The following GRIA2 variants were observed in gnomAD, a reference collection of about 807,000 sequenced individuals.
GRIA2 encodes the protein glutamate ionotropic receptor AMPA type subunit 2.
A neutral mutation model predicts 97.3 loss-of-function variants in GRIA2; 14 were observed. The observed-to-expected ratio is 0.14, with a 90% CI of 0.10 to 0.23. GRIA2 has a LOEUF of 0.23. Ranked by LOEUF, GRIA2 falls within the 10% of genes least tolerant of loss-of-function variation. The pLI is 1.00. For synonymous variants in GRIA2, 412 were observed against 387.8 expected (o/e 1.06, Z -0.73); for missense variants, 558 against 1,069.8 (o/e 0.52, Z 6.67).
intron 2 of GRIA2, among the ~76,000 whole-genome samples, chr4:157,234,914 A>G (rs1051340545): frequency 6.6e-6 from 1 of 152,120 alleles, no homozygotes; most frequent in Non-Finnish European, 1.5e-5. Context: ...CTTACTGACA[A>G]TGAGTAAAAA....
At chr4:157,257,514 CAAGAAAT>C (rs954163335) in intron 2 of GRIA2, among the ~76,000 whole-genome samples, 5 of 152,008 alleles carry the variant, frequency 3.3e-5, no homozygotes, top group Non-Finnish European at 7.4e-5. Flanking sequence ...AACTGAAATG[CAAGAAAT>C]AACAATTTAA....
rs1729462935 is a variant in GRIA2 at position 157,220,902 on chromosome 4, CTT to C, written c.-140_-139del. 1.6e-6 allele frequency: 1 copy of C among 643,398 alleles called. No individual in the cohort carries two copies. Among genetic ancestry groups the C allele is most frequent in the African/African-American group, 1.8e-5 (1 of 54,970 alleles). The allele number at this position is 643,398 out of a possible 1,614,324, so 39.9% of individuals were successfully genotyped here. Reference sequence around the variant, plus strand: ...GGAAATAGGGATTCTTCTGCCTCCACTTCAGGTTTTAGCAGCTTGGTGCTAAA... The same window carrying C: ...GGAAATAGGGATTCTTCTGCCTCCACCAGGTTTTAGCAGCTTGGTGCTAAA... On this transcript the variant is annotated 5_prime_UTR_variant, in exon 1 of 16. Coordinates refer to ENST00000264426, the MANE Select transcript of GRIA2 (RefSeq NM_001083619.3).
intron 12 of GRIA2, among the ~76,000 whole-genome samples, chr4:157,345,511 A>C (rs1352283949): frequency 6.6e-6 from 1 of 152,132 alleles, no homozygotes; most frequent in African/African-American, 2.4e-5. Context: ...TTCACATTTT[A>C]ATAATTTCTT....
At chr4:157,345,665 G>A (rs1579380643) in intron 12 of GRIA2, among the ~76,000 whole-genome samples, 1 of 152,210 alleles carries the variant, frequency 6.6e-6, no homozygotes, top group Admixed American at 6.5e-5. Flanking sequence ...TCATTGGCCT[G>A]TCAAACCACA....
intron 12 of GRIA2, among the ~76,000 whole-genome samples, chr4:157,349,829 TG>T (rs1483996249): frequency 6.6e-6 from 1 of 152,160 alleles, no homozygotes; most frequent in African/African-American, 2.4e-5. Context: ...TTGTTGAGGT[TG>T]GATCAAGATG....
chr4:157,311,389 C>T (rs1045912927), intron 3 of GRIA2, among the ~76,000 whole-genome samples: 5 of 151,856 alleles, frequency 3.3e-5, no homozygotes, highest in Non-Finnish European at 5.9e-5. Flanking sequence ...CTCCTGTGTG[C>T]TTTGAGGTAA....
At chr4:157,353,006 C>T (rs1344457594) in intron 12 of GRIA2, among the ~76,000 whole-genome samples, 1 of 151,636 alleles carries the variant, frequency 6.6e-6, no homozygotes, top group African/African-American at 2.4e-5. Flanking sequence ...TACAGTGAGC[C>T]GAGATCGTGC....
chr4:157,324,833 T>C (rs1287998045), intron 6 of GRIA2, among the ~76,000 whole-genome samples: 1 of 152,168 alleles, frequency 6.6e-6, no homozygotes, highest in African/African-American at 2.4e-5. Flanking sequence ...TATAGCACCC[T>C]CTAAATATAA....
intron 2 of GRIA2, among the ~76,000 whole-genome samples, chr4:157,276,505 G>A (rs550597062): frequency 1.3e-5 from 2 of 151,802 alleles, no homozygotes; most frequent in East Asian, 3.9e-4. Flanking sequence ...ACTGATGTAA[G>A]CAGGAGAAAA....
At chr4:157,222,049 G>A (rs1465540675) in intron 2 of GRIA2, among the ~76,000 whole-genome samples, 1 of 152,064 alleles carries the variant, frequency 6.6e-6, no homozygotes, top group East Asian at 1.9e-4. Flanking sequence ...TGCGCATTAG[G>A]GAGCCGGGGT....
At chr4:157,232,718 G>C (rs1438977071) in intron 2 of GRIA2, among the ~76,000 whole-genome samples, 2 of 152,132 alleles carry the variant, frequency 1.3e-5, no homozygotes, top group African/African-American at 4.8e-5. Context: ...CACAAGTTCA[G>C]GGTTGTCATC....
chr4:157,265,029 A>G (rs1189943123), intron 2 of GRIA2, among the ~76,000 whole-genome samples: 2 of 152,104 alleles, frequency 1.3e-5, no homozygotes, highest in African/African-American at 4.8e-5. Flanking sequence ...CATAATTTAA[A>G]CCATGAAGTG....
intron 2 of GRIA2, among the ~76,000 whole-genome samples, chr4:157,224,289 C>G (rs1729643706): frequency 6.6e-6 from 1 of 152,106 alleles, no homozygotes; most frequent in Non-Finnish European, 1.5e-5. Context: ...TTAAAGATGA[C>G]AACATGATAA....
rs748866748 is a variant in GRIA2, at chr4:157,361,182, C to T, written c.2406+58C>T. The stretch of plus-strand genomic sequence containing the variant: ...CAATGCAAAACAAAGTAAGCAGCAG[C>T]TATGCACAGTGTGGGCACTCCGTGC... On this transcript the variant is annotated intron_variant, in intron 14 of 15. Transcript: ENST00000264426. The surrounding 1 kb of genome is among the most constrained non-coding windows in gnomAD (Gnocchi z 5.2). 1 of 1,338,094 alleles carries T rather than the reference C, an allele frequency of 7.5e-7. No individual in the cohort carries two copies. Among genetic ancestry groups the T allele is most frequent in the Non-Finnish European group, 1.1e-6 (1 of 932,644 alleles). 82.9% of individuals were successfully genotyped at this position (1,338,094 alleles called of 1,614,324 possible).
chr4:157,258,498 G>T (rs1731383108), intron 2 of GRIA2, among the ~76,000 whole-genome samples: 1 of 152,020 alleles, frequency 6.6e-6, no homozygotes, highest in African/African-American at 2.4e-5. Flanking sequence ...CTCAAATCCT[G>T]TCTCCTGATA....
chr4:157,362,347 T>C (rs1265558779), intron 14 of GRIA2: 1 of 456,008 alleles, frequency 2.2e-6, no homozygotes, highest in African/African-American at 2.0e-5. Flanking sequence ...ATGACTCTAC[T>C]AAGCCAGTAA....
At chr4:157,332,087 T>C (rs1045304339) in intron 6 of GRIA2, among the ~76,000 whole-genome samples, 2 of 152,074 alleles carry the variant, frequency 1.3e-5, no homozygotes, top group African/African-American at 4.8e-5. Flanking sequence ...AATGGTAGTA[T>C]AGATACATGC....
chr4:157,233,278 G>A (rs1401845283), intron 2 of GRIA2, among the ~76,000 whole-genome samples: 1 of 152,084 alleles, frequency 6.6e-6, no homozygotes, highest in African/African-American at 2.4e-5. Context: ...TACTCGAGTA[G>A]TACTTTGAAT....
At chr4:157,269,343 A>G (rs1454552035) in intron 2 of GRIA2, among the ~76,000 whole-genome samples, 1 of 152,112 alleles carries the variant, frequency 6.6e-6, no homozygotes, top group African/African-American at 2.4e-5. Context: ...ATAGTTGTTA[A>G]TAAAGTCCTG....
Sources: allele counts gnomAD v4.1 joint callset (sites outside exome capture counted in the v4.1 genomes callset), GRCh38; gene constraint gnomAD v4.1.1; non-coding constraint Gnocchi (gnomAD v3.1); transcripts MANE v1.5; gene names NCBI Gene and HGNC (gene_info 2026-07-23, HGNC 2026-07-21).